The following TRAPPC8 variants were observed in gnomAD, a reference collection of about 807,000 sequenced individuals.
TRAPPC8 encodes general sporulation gene 1 homolog.
TRAPPC8 carries 54 observed loss-of-function variants against 174.3 expected under a neutral mutation model. The observed-to-expected ratio is 0.31, with a 90% CI of 0.25 to 0.39. The LOEUF is 0.39. Ranked by LOEUF, TRAPPC8 falls within the 10% of genes least tolerant of loss-of-function variation. The probability of loss-of-function intolerance (pLI) is 1.00; values close to 1 mark genes in which losing one functional copy is unlikely to be tolerated. For synonymous variants in TRAPPC8, 630 were observed against 579.9 expected, an observed-to-expected ratio of 1.09 and a Z score of -1.24; for missense variants, 1,531 against 1,699.1, an observed-to-expected ratio of 0.90 and a Z score of 1.74.
rs1026220512 is a variant in TRAPPC8, at chr18:31,854,784, T to C, written c.3337-839A>G. On this transcript the variant is annotated intron_variant, in intron 21 of 28. Transcript: ENST00000283351. ...GAGATCGAGACCATCCTGGCTAACATGGTGAAACCCTGTCTCTACTAAAAA... is the reference window on the plus strand; with the variant it reads ...GAGATCGAGACCATCCTGGCTAACACGGTGAAACCCTGTCTCTACTAAAAA... Among the ~76,000 whole-genome samples the C allele has an allele frequency of 4.0e-5, 6 of 151,756 alleles. No homozygotes were observed. In the Middle Eastern group the frequency reaches 0.014, roughly 344 times the overall value.
intron 12 of TRAPPC8, among the ~76,000 whole-genome samples, chr18:31,884,230 G>C (rs746138726): frequency 2.0e-4 from 31 of 152,280 alleles, no homozygotes; most frequent in Non-Finnish European, 4.3e-4. Context: ...CAGAGCATTA[G>C]CATATGGAGA....
At chr18:31,859,349 A>C (rs1007537402) in intron 19 of TRAPPC8, among the ~76,000 whole-genome samples, 6 of 152,292 alleles carry the variant, frequency 3.9e-5, no homozygotes, top group African/African-American at 1.4e-4. Flanking sequence ...ATAAATGAGA[A>C]AACAAGGGAT....
chr18:31,942,550 T>G (rs2038393108), intron 1 of TRAPPC8, 58 bp downstream of exon 1: 1 of 1,471,886 alleles, frequency 6.8e-7, no homozygotes, highest in Non-Finnish European at 9.1e-7. Context: ...GCCCGCAACT[T>G]CCTTCTCCCG....
At chr18:31,900,557 T>C (rs1312046759) in intron 10 of TRAPPC8, among the ~76,000 whole-genome samples, 2 of 152,206 alleles carry the variant, frequency 1.3e-5, no homozygotes, top group Non-Finnish European at 2.9e-5. Flanking sequence ...CTCACTTTTA[T>C]AGGGTTCCAA....
intron 12 of TRAPPC8, among the ~76,000 whole-genome samples, chr18:31,886,082 T>C (rs1464683716): frequency 6.6e-6 from 1 of 151,026 alleles, no homozygotes; most frequent in Admixed American, 6.6e-5. Flanking sequence ...CTTGGGTCAC[T>C]GCAACCTCCA....
intron 9 of TRAPPC8, 40 bp from the exon 10 acceptor site, chr18:31,901,065 AAC>A (rs1447515088): frequency 1.3e-6 from 2 of 1,532,720 alleles, no homozygotes; most frequent in African/African-American, 2.8e-5. Context: ...CAAAAGAAGA[AAC>A]AGTCTTACAG....
chr18:31,850,612 T>C (rs965545648), intron 24 of TRAPPC8, among the ~76,000 whole-genome samples: 1 of 152,214 alleles, frequency 6.6e-6, no homozygotes, highest in East Asian at 1.9e-4. Flanking sequence ...TTACAGGCTA[T>C]GTATATATCA....
Position 31,870,936 on chromosome 18 carries a change from T to A in TRAPPC8, c.2247A>T (p.Ala749=), listed in dbSNP as rs115242237. Residue 749 remains alanine, a synonymous_variant, in exon 15 of 29, where the codon GCA becomes GCT. Coordinates refer to ENST00000283351, the MANE Select transcript of TRAPPC8 (RefSeq NM_014939.5). ...ATTCAAGTATATCACCTTCTACAACTGCAAGTGGAAATCTTGAATTATCTG... is the reference window on the plus strand; with the variant it reads ...ATTCAAGTATATCACCTTCTACAACAGCAAGTGGAAATCTTGAATTATCTG... ...SYSDNSRFPL[A]VVEEPITVEV... 3,122 of 1,567,358 alleles carry A rather than the reference T, an allele frequency of 2.0e-3. 54 individuals carry two copies. In the African/African-American group the frequency reaches 0.038, roughly 19 times the overall value.
chr18:31,847,978 A>G (rs2033498156), intron 25 of TRAPPC8, among the ~76,000 whole-genome samples: 1 of 152,124 alleles, frequency 6.6e-6, no homozygotes, highest in Non-Finnish European at 1.5e-5. Context: ...CTCCTGAATC[A>G]TATTTCATTC....
intron 5 of TRAPPC8, among the ~76,000 whole-genome samples, chr18:31,913,105 G>A (rs945958866): frequency 2.6e-5 from 4 of 151,838 alleles, no homozygotes; most frequent in African/African-American, 4.8e-5. Context: ...TCCAGCCTGG[G>A]CGACAGAGCA....
chr18:31,942,993 G>C lies in TRAPPC8; in HGVS notation c.-229C>G. On this transcript the variant is annotated 5_prime_UTR_variant, in exon 1 of 29. Coordinates refer to ENST00000283351, the MANE Select transcript of TRAPPC8 (RefSeq NM_014939.5). ...CCGCCGCTTCTCAGCGCTCGTCCCCGCGTGCTCGCATTCCACCCCGATAGG... is the reference window on the plus strand; with the variant it reads ...CCGCCGCTTCTCAGCGCTCGTCCCCCCGTGCTCGCATTCCACCCCGATAGG... The C allele has an allele frequency of 1.1e-6, 1 of 896,000 alleles. No homozygotes were observed. The highest frequency in any genetic ancestry group is 1.5e-6 in the Non-Finnish European group (1 of 679,562). 55.5% of individuals were successfully genotyped at this position (896,000 alleles called of 1,614,324 possible).
chr18:31,923,116 T>C (rs1255596640), intron 2 of TRAPPC8, among the ~76,000 whole-genome samples: 1 of 152,120 alleles, frequency 6.6e-6, no homozygotes, highest in East Asian at 1.9e-4. Context: ...CAGCCCAAAA[T>C]ATACCATTCA....
At chr18:31,835,795 A>T (rs118067209) in intron 27 of TRAPPC8, among the ~76,000 whole-genome samples, 175 of 152,330 alleles carry the variant, frequency 1.1e-3, no homozygotes, top group East Asian at 3.3e-3. Flanking sequence ...TGGTCAATGA[A>T]ATATTAACAT....
intron 2 of TRAPPC8, chr18:31,926,471 G>GT (rs2037620160): frequency 1.1e-5 from 1 of 95,172 alleles, no homozygotes; most frequent in Non-Finnish European, 2.2e-5. Flanking sequence ...GTTTTGTTTT[G>GT]GTTTTTTTTT....
At chr18:31,920,290 C>T (rs2037326560) in intron 2 of TRAPPC8, among the ~76,000 whole-genome samples, 1 of 152,016 alleles carries the variant, frequency 6.6e-6, no homozygotes, top group South Asian at 2.1e-4. Flanking sequence ...GCAGATTTTC[C>T]AAAATAGCTC....
At chr18:31,937,914 G>A (rs1031652896) in intron 1 of TRAPPC8, among the ~76,000 whole-genome samples, 5 of 152,154 alleles carry the variant, frequency 3.3e-5, no homozygotes, top group Admixed American at 2.0e-4. Flanking sequence ...CGTTAGCCAC[G>A]CTGGTCTCAA....
intron 19 of TRAPPC8, among the ~76,000 whole-genome samples, chr18:31,859,363 T>C (rs1018970221): frequency 6.6e-6 from 1 of 152,112 alleles, no homozygotes; most frequent in African/African-American, 2.4e-5. Flanking sequence ...AAGGGATTAA[T>C]GTAGAAATCC....
At chr18:31,896,447 G>A (rs2036188759) in intron 11 of TRAPPC8, 1 of 139,048 alleles carries the variant, frequency 7.2e-6, no homozygotes, top group Non-Finnish European at 1.5e-5. Context: ...ATTCTGCACT[G>A]GATTACAGAC....
At chr18:31,876,073 A>C (rs2035127679) in intron 12 of TRAPPC8, among the ~76,000 whole-genome samples, 1 of 152,212 alleles carries the variant, frequency 6.6e-6, no homozygotes, top group Non-Finnish European at 1.5e-5. Context: ...AAGGTGATGG[A>C]TATCCCAAGT....
Sources: allele counts gnomAD v4.1 joint callset (sites outside exome capture counted in the v4.1 genomes callset), GRCh38; gene constraint gnomAD v4.1.1; transcripts MANE v1.5; gene names NCBI Gene and HGNC (gene_info 2026-07-23, HGNC 2026-07-21).